Variants in SLC25A21 observed in about 807,000 individuals in gnomAD.
SLC25A21 encodes mitochondrial 2-oxodicarboxylate carrier.
Under a neutral mutation model 43.8 loss-of-function variants are expected in SLC25A21, and 47 were observed. That is an observed-to-expected ratio of 1.07 (90% confidence interval 0.85 to 1.37). The LOEUF (loss-of-function observed/expected upper bound fraction) is 1.37. Ranked by LOEUF, SLC25A21 falls within the 40% of genes most tolerant of loss-of-function variation. The pLI is 0.00. For missense variants in SLC25A21, 352 were observed against 350.2 expected, an observed-to-expected ratio of 1.00 and a Z score of -0.04; for synonymous variants, 131 against 121.3, an observed-to-expected ratio of 1.08 and a Z score of -0.52.
intron 1 of SLC25A21, among the ~76,000 whole-genome samples, chr14:37,025,850 T>C (rs1402359209): frequency 6.6e-6 from 1 of 152,136 alleles, no homozygotes; most frequent in East Asian, 1.9e-4. Flanking sequence ...TTTGTTTTCT[T>C]TTTTCTTAAA....
intron 1 of SLC25A21, among the ~76,000 whole-genome samples, chr14:37,157,382 T>C (rs1963869671): frequency 6.6e-6 from 1 of 151,954 alleles, no homozygotes; most frequent in Non-Finnish European, 1.5e-5. Flanking sequence ...AAAAAAATCA[T>C]ATCAAGTATC....
intron 1 of SLC25A21, among the ~76,000 whole-genome samples, chr14:37,132,326 C>A (rs1963405267): frequency 6.6e-6 from 1 of 152,090 alleles, no homozygotes; most frequent in Non-Finnish European, 1.5e-5. Flanking sequence ...ACTTCACAAG[C>A]AGAGGAGCTG....
intron 1 of SLC25A21, among the ~76,000 whole-genome samples, chr14:36,899,333 C>A (rs567301352): frequency 6.6e-6 from 1 of 152,206 alleles, no homozygotes; most frequent in Admixed American, 6.5e-5. Flanking sequence ...AAGAGGATCC[C>A]AAAGCATATC....
chr14:36,916,822 C>A (rs1321687096), intron 1 of SLC25A21, among the ~76,000 whole-genome samples: 2 of 152,076 alleles, frequency 1.3e-5, no homozygotes. Flanking sequence ...TATATGGGCA[C>A]CTGGATCTCC....
At chr14:37,143,959 G>A (rs1381512886) in intron 1 of SLC25A21, among the ~76,000 whole-genome samples, 3 of 152,086 alleles carry the variant, frequency 2.0e-5, no homozygotes, top group African/African-American at 7.2e-5. Flanking sequence ...AATAAAATGG[G>A]GGTTTTAGAA....
At chr14:37,091,442 A>G (rs200196535) in intron 1 of SLC25A21, among the ~76,000 whole-genome samples, 2 of 152,088 alleles carry the variant, frequency 1.3e-5, no homozygotes, top group African/African-American at 4.8e-5. Flanking sequence ...TCAAAAAAAA[A>G]AAAAAGCAAT....
At chr14:37,080,668 C>T (rs922962317) in intron 1 of SLC25A21, among the ~76,000 whole-genome samples, 5 of 152,234 alleles carry the variant, frequency 3.3e-5, no homozygotes, top group Middle Eastern at 3.4e-3. Context: ...ACTAATTGAA[C>T]AAATGAATGA....
intron 3 of SLC25A21, among the ~76,000 whole-genome samples, chr14:36,768,054 A>C (rs933536772): frequency 6.6e-6 from 1 of 152,208 alleles, no homozygotes; most frequent in South Asian, 2.1e-4. Context: ...CGCTGCCTGC[A>C]GCTCTGTACT....
chr14:37,104,376 T>C (rs1355856609), intron 1 of SLC25A21, among the ~76,000 whole-genome samples: 1 of 152,128 alleles, frequency 6.6e-6, no homozygotes, highest in Non-Finnish European at 1.5e-5. Context: ...GCAAGAAATA[T>C]TTGTGGTTTA....
At position 36,725,569 on chromosome 14, in the gene SLC25A21, C is replaced by A. The variant is rs1183140667; in HGVS notation, c.438+1G>T. 3.3e-6 allele frequency: 5 copies of A among 1,525,058 alleles called. No homozygotes were observed. In the South Asian group the frequency reaches 4.0e-5, roughly 12 times the overall value. 94.5% of individuals were successfully genotyped at this position (1,525,058 alleles called of 1,614,324 possible). ...ACAATAGAAAAACATTAAATGGTTACCTCTGCAAATGTGTTCCGATTTGCT... is the reference window on the plus strand; with the variant it reads ...ACAATAGAAAAACATTAAATGGTTAACTCTGCAAATGTGTTCCGATTTGCT... On this transcript the variant is annotated splice_donor_variant, in intron 6 of 9. Coordinates refer to ENST00000331299, the MANE Select transcript of SLC25A21 (RefSeq NM_030631.4). LOFTEE classifies it high-confidence loss of function.
At chr14:36,796,373 ATTTCTCTC>A (rs1887670135) in intron 3 of SLC25A21, among the ~76,000 whole-genome samples, 1 of 142,454 alleles carries the variant, frequency 7.0e-6, no homozygotes, top group Non-Finnish European at 1.5e-5. Context: ...TTATTTATTT[ATTTCTCTC>A]TTTCTCTTTC....
Position 37,034,887 on chromosome 14 carries a change from C to T in SLC25A21, c.70+137394G>A, listed in dbSNP as rs559714350. On this transcript the variant is annotated intron_variant, in intron 1 of 9. Transcript: ENST00000331299. ...TTCGGCTCCACAGAAAGGGCCTAAC[C>T]GTATTGCTGAATACTTAAATCCCTG... Among the ~76,000 whole-genome samples the T allele has an allele frequency of 1.9e-3, 282 of 152,306 alleles. 1 individual carries two copies. The highest frequency in any genetic ancestry group is 6.0e-3 in the African/African-American group (248 of 41,574).
chr14:37,119,185 C>T (rs1963159829), intron 1 of SLC25A21, among the ~76,000 whole-genome samples: 1 of 152,178 alleles, frequency 6.6e-6, no homozygotes, highest in Non-Finnish European at 1.5e-5. Context: ...GAGAAGAAGC[C>T]TCAGTTCCAG....
At chr14:36,688,927 A>T (rs1594489265) in intron 7 of SLC25A21, among the ~76,000 whole-genome samples, 1 of 152,248 alleles carries the variant, frequency 6.6e-6, no homozygotes, top group Non-Finnish European at 1.5e-5. Context: ...GCCTCAAGGC[A>T]TAGTTTTTCT....
At chr14:36,862,760 TA>T (rs1269786524) in intron 2 of SLC25A21, among the ~76,000 whole-genome samples, 14 of 152,130 alleles carry the variant, frequency 9.2e-5, no homozygotes, top group African/African-American at 2.9e-4. Flanking sequence ...AAGTATAATT[TA>T]AAAAAAGGAG....
chr14:37,046,822 A>G (rs2138791794), intron 1 of SLC25A21, among the ~76,000 whole-genome samples: 1 of 152,264 alleles, frequency 6.6e-6, no homozygotes, highest in African/African-American at 2.4e-5. Context: ...ACAAGAAAAC[A>G]ATTAAAAGTG....
At chr14:36,710,822 AATTG>A (rs1395823636) in intron 7 of SLC25A21, among the ~76,000 whole-genome samples, 11 of 152,152 alleles carry the variant, frequency 7.2e-5, no homozygotes, top group African/African-American at 2.7e-4. Context: ...ATTCTAGAAG[AATTG>A]ATTAACTACC....
chr14:36,944,855 T>C (rs545703441), intron 1 of SLC25A21, among the ~76,000 whole-genome samples: 10 of 152,276 alleles, frequency 6.6e-5, no homozygotes, highest in African/African-American at 2.4e-4. Flanking sequence ...AGCTGACTCA[T>C]CCCATCACAG....
intron 1 of SLC25A21, among the ~76,000 whole-genome samples, chr14:37,127,192 T>C (rs1963312204): frequency 1.3e-5 from 2 of 152,272 alleles, no homozygotes; most frequent in South Asian, 4.1e-4. Flanking sequence ...ACATATCTTA[T>C]TAACACTTCA....
Sources: allele counts gnomAD v4.1 joint callset (sites outside exome capture counted in the v4.1 genomes callset), GRCh38; gene constraint gnomAD v4.1.1; transcripts MANE v1.5; gene names NCBI Gene and HGNC (gene_info 2026-07-23, HGNC 2026-07-21).